The following CLVS1 variants were observed in gnomAD, a reference collection of about 807,000 sequenced individuals.
CLVS1 encodes the protein clavesin 1.
A neutral mutation model predicts 33.1 loss-of-function variants in CLVS1; 10 were observed. The observed-to-expected ratio is 0.30, with a 90% CI of 0.19 to 0.51. The LOEUF (loss-of-function observed/expected upper bound fraction) is 0.51. Among genes scored for constraint, CLVS1 ranks in the 20% least tolerant of loss-of-function variants. The probability of loss-of-function intolerance (pLI) is 0.97; values close to 1 mark genes in which losing one functional copy is unlikely to be tolerated. For missense variants in CLVS1, 343 were observed against 433.4 expected, an observed-to-expected ratio of 0.79 and a Z score of 1.85; for synonymous variants, 163 against 166.1, an observed-to-expected ratio of 0.98 and a Z score of 0.14.
At chr8:61,438,121 A>C (rs1290513674) in intron 3 of CLVS1, among the ~76,000 whole-genome samples, 1 of 152,132 alleles carries the variant, frequency 6.6e-6, no homozygotes, top group Admixed American at 6.5e-5. Flanking sequence ...TCAACCCATC[A>C]CCTAGGTATT....
chr8:61,380,877 C>T lies in CLVS1; in HGVS notation c.630+4098C>T, dbSNP rs1021928558. ...TCAATGTACTGTGTTTATCAATGTTCAGCCAACCCAGATACTTCAAGAGCT... is the reference window on the plus strand; with the variant it reads ...TCAATGTACTGTGTTTATCAATGTTTAGCCAACCCAGATACTTCAAGAGCT... On this transcript the variant is annotated intron_variant, in intron 3 of 5. Transcript: ENST00000325897. Among the ~76,000 whole-genome samples the T allele has an allele frequency of 8.5e-5, 13 of 152,242 alleles. No homozygotes were observed. The South Asian group carries it at 2.7e-3, about 32-fold the overall frequency.
chr8:61,206,579 T>C (rs1259175825), intron 2 of CLVS1, among the ~76,000 whole-genome samples: 2 of 148,760 alleles, frequency 1.3e-5, no homozygotes, highest in Non-Finnish European at 3.0e-5. Flanking sequence ...TTTTCTTTTC[T>C]TTTTTTCTTT....
At chr8:61,142,922 C>G (rs1806336205) in intron 2 of CLVS1, among the ~76,000 whole-genome samples, 1 of 152,034 alleles carries the variant, frequency 6.6e-6, no homozygotes, top group East Asian at 1.9e-4. Flanking sequence ...GATTAACCAC[C>G]CAAGCAAATT....
At chr8:61,042,459 G>A in the CLVS1 span, among the ~76,000 whole-genome samples, 2 of 137,474 alleles carry the variant, frequency 1.5e-5, no homozygotes, top group South Asian at 2.4e-4. Flanking sequence ...CAATGTATGT[G>A]AAATTTGTTT....
Position 61,133,178 on chromosome 8 carries a change from G to C in CLVS1, c.-152+1318G>C, listed in dbSNP as rs116296059. ...TACCCTCAAGGAGTTAGCCTGTAGG[G>C]AAGGCAGATGGGAAAGCAAACAATG... is the stretch of plus-strand genomic sequence containing the variant. On this transcript the variant is annotated intron_variant, in intron 2 of 2. Coordinates refer to the CLVS1 transcript ENST00000522621. Among the ~76,000 whole-genome samples, 310 of 152,276 alleles carry C rather than the reference G, an allele frequency of 2.0e-3. 3 individuals are homozygous for C. The highest frequency in any genetic ancestry group is 7.2e-3 in the African/African-American group (300 of 41,562).
rs141953711 is a variant in CLVS1 at position 61,307,521 on chromosome 8, G to A, written c.455+7239G>A. On this transcript the variant is annotated intron_variant, in intron 2 of 5. Transcript: ENST00000325897. ...CAGGGTTGTAAAGGTGAGGGATAGGGCAAAATTTAAGGGGGCACCAAGAAA... is the reference window on the plus strand; with the variant it reads ...CAGGGTTGTAAAGGTGAGGGATAGGACAAAATTTAAGGGGGCACCAAGAAA... 6.4e-3 allele frequency among the ~76,000 whole-genome samples: 970 copies of A among 152,032 alleles called. 7 individuals are homozygous for A. Among genetic ancestry groups the A allele is most frequent in the Non-Finnish European group, 0.01 (710 of 67,966 alleles).
intron 2 of CLVS1, among the ~76,000 whole-genome samples, chr8:61,189,042 G>A (rs927559747): frequency 3.9e-5 from 6 of 151,952 alleles, no homozygotes; most frequent in Non-Finnish European, 5.9e-5. Flanking sequence ...CATACTCCTC[G>A]AGAAGAGCAA....
At chr8:61,273,024 C>T (rs1247764356) in intron 2 of CLVS1, among the ~76,000 whole-genome samples, 1 of 150,914 alleles carries the variant, frequency 6.6e-6, no homozygotes, top group Non-Finnish European at 1.5e-5. Context: ...CAGCTTTGTT[C>T]CGTTGCTGGT....
At chr8:61,395,448 G>T (rs1165602308) in intron 3 of CLVS1, among the ~76,000 whole-genome samples, 2 of 152,054 alleles carry the variant, frequency 1.3e-5, no homozygotes, top group East Asian at 1.9e-4. Flanking sequence ...TTGCTAATAG[G>T]CTTTTAACAT....
chr8:61,473,398 G>A (rs1262123541), intron 5 of CLVS1, among the ~76,000 whole-genome samples: 1 of 150,584 alleles, frequency 6.6e-6, no homozygotes, highest in African/African-American at 2.4e-5. Context: ...AAGCGAGGGG[G>A]AAAATGACGG....
intron 3 of CLVS1, among the ~76,000 whole-genome samples, chr8:61,430,456 G>A (rs1816068270): frequency 6.6e-6 from 1 of 152,272 alleles, no homozygotes; most frequent in Non-Finnish European, 1.5e-5. Flanking sequence ...TTCCCCCCAA[G>A]GGCACTTACT....
chr8:61,089,924 T>C (rs1260102187), intron 1 of CLVS1, among the ~76,000 whole-genome samples: 4 of 152,120 alleles, frequency 2.6e-5, no homozygotes, highest in Non-Finnish European at 5.9e-5. Flanking sequence ...TGTTTTGTTT[T>C]GTTTGTTTAT....
At chr8:61,269,174 C>T (rs1809378092) in intron 2 of CLVS1, among the ~76,000 whole-genome samples, 1 of 149,776 alleles carries the variant, frequency 6.7e-6, no homozygotes, top group African/African-American at 2.5e-5. Context: ...GTCTTTAATC[C>T]ATCTTGAATT....
chr8:61,061,925 C>T (rs1348587377), intron 1 of CLVS1, among the ~76,000 whole-genome samples: 1 of 151,890 alleles, frequency 6.6e-6, no homozygotes. Flanking sequence ...CTTTGTTTTG[C>T]CTTCTATTAT....
chr8:61,338,185 C>T (rs957609479), intron 2 of CLVS1, among the ~76,000 whole-genome samples: 8 of 152,186 alleles, frequency 5.3e-5, no homozygotes, highest in Non-Finnish European at 1.0e-4. Flanking sequence ...GACACAGAGC[C>T]TCCATTTCTG....
chr8:61,039,782 C>T, the CLVS1 span, among the ~76,000 whole-genome samples: 1 of 152,322 alleles, frequency 6.6e-6, no homozygotes, highest in East Asian at 1.9e-4. Context: ...TGAAGCCATC[C>T]TCTCACCTGG....
At chr8:61,164,565 T>A (rs1218434964) in intron 2 of CLVS1, among the ~76,000 whole-genome samples, 1 of 152,074 alleles carries the variant, frequency 6.6e-6, no homozygotes, top group East Asian at 1.9e-4. Context: ...TGAATTTGCA[T>A]ATTAAAAGGC....
intron 4 of CLVS1, among the ~76,000 whole-genome samples, chr8:61,457,936 C>T (rs2129607175): frequency 6.6e-6 from 1 of 152,258 alleles, no homozygotes; most frequent in East Asian, 1.9e-4. Flanking sequence ...TGGGTGAGAG[C>T]ACACAGATGG....
At chr8:61,325,831 C>A (rs28499507) in intron 2 of CLVS1, among the ~76,000 whole-genome samples, 58,473 of 152,016 alleles carry the variant, frequency 0.38, 13,756 homozygotes, top group East Asian at 0.64. Flanking sequence ...CCTTATACCC[C>A]TCCTCTAAAG....
Sources: allele counts gnomAD v4.1 joint callset (sites outside exome capture counted in the v4.1 genomes callset), GRCh38; gene constraint gnomAD v4.1.1; transcripts MANE v1.5; gene names NCBI Gene and HGNC (gene_info 2026-07-23, HGNC 2026-07-21).